ABHD18: variants seen among roughly 807,000 people sequenced by gnomAD.
ABHD18 encodes the protein abhydrolase domain containing 18, also known as cardiolipin-specific deacylase, mitochondrial.
In ABHD18, 55 loss-of-function variants were observed where a neutral mutation model predicts 65.9. That is an observed-to-expected ratio of 0.84 (90% CI 0.67 to 1.05). ABHD18 has a LOEUF of 1.05. ABHD18 is among the 50% of genes least tolerant of loss of function. The pLI is 0.00. For missense variants in ABHD18, 533 were observed against 558.5 expected, an observed-to-expected ratio of 0.95 and a Z score of 0.46; for synonymous variants, 181 against 180.2, an observed-to-expected ratio of 1.00 and a Z score of -0.04.
chr4:128,012,422 TGTTTG>T (rs1320943101), intron 7 of ABHD18, among the ~76,000 whole-genome samples: 4 of 152,158 alleles, frequency 2.6e-5, no homozygotes, highest in African/African-American at 9.7e-5. Context: ...ATCTGTATTG[TGTTTG>T]GTTTGGTTCA....
chr4:127,972,520 CTTTTTTTTTTTT>C (rs11286287), intron 1 of ABHD18, among the ~76,000 whole-genome samples: 10 of 60,872 alleles, frequency 1.6e-4, no homozygotes, highest in African/African-American at 1.4e-4. Flanking sequence ...CAGATATACT[CTTTTTTTTTTTT>C]TTTTTTTTTT....
At chr4:128,016,860 TTTG>T (rs755362299) in intron 7 of ABHD18, among the ~76,000 whole-genome samples, 13 of 152,314 alleles carry the variant, frequency 8.5e-5, no homozygotes, top group Non-Finnish European at 1.5e-4. Context: ...AACACTTTTT[TTTG>T]TTAAGTTTTA....
intron 4 of ABHD18, among the ~76,000 whole-genome samples, chr4:127,995,929 C>T (rs1751658207): frequency 6.6e-6 from 1 of 152,198 alleles, no homozygotes; most frequent in African/African-American, 2.4e-5. Context: ...CTGTGTCTAA[C>T]ATAAGGAAGA....
At chr4:128,022,857 G>A (rs1021823434) in intron 10 of ABHD18, among the ~76,000 whole-genome samples, 9 of 148,852 alleles carry the variant, frequency 6.0e-5, no homozygotes, top group Non-Finnish European at 1.0e-4. Context: ...TGCAACCTCC[G>A]CATCCCAGAT....
chr4:128,003,306 T>C (rs1753003166), intron 4 of ABHD18, among the ~76,000 whole-genome samples: 1 of 150,986 alleles, frequency 6.6e-6, no homozygotes, highest in African/African-American at 2.4e-5. Flanking sequence ...AGGTGGAGGT[T>C]GCAGTGAGCC....
intron 6 of ABHD18, chr4:128,009,623 TAATA>T (rs1754192690): frequency 6.5e-6 from 1 of 154,970 alleles, no homozygotes; most frequent in African/African-American, 2.4e-5. Flanking sequence ...ACGTTGCTGG[TAATA>T]AATGTAGAGT....
At chr4:127,991,113 C>G (rs181180222) in intron 4 of ABHD18, among the ~76,000 whole-genome samples, 5 of 152,292 alleles carry the variant, frequency 3.3e-5, no homozygotes, top group Non-Finnish European at 7.4e-5. Context: ...ATCCACCTGC[C>G]TCGCCTCCCA....
rs1757716292 is a variant in ABHD18, at chr4:128,028,543, C to A, written c.870C>A (p.Asn290Lys). ...CTAGCAGTGCAGACAAGCTAACTAA[C>A]CTTAATCTGGTTTCCAGAACTTTAA... The part of the protein sequence containing the change: ...HFTSSADKLT[N>K]LNLVSRTLNL... The change falls in exon 11 of 13, where the codon AAC (asparagine) becomes AAA (lysine). Residue 290 changes from asparagine (N) to lysine (K), a missense_variant. Asn to Lys is a moderately conservative substitution (Grantham distance 94). Transcript: ENST00000645843. 1.2e-6 allele frequency: 2 copies of A among 1,610,792 alleles called. No individual in the cohort carries two copies. Among genetic ancestry groups the A allele is most frequent in the Non-Finnish European group, 1.7e-6 (2 of 1,178,318 alleles).
intron 4 of ABHD18, chr4:128,001,618 ATACT>A (rs1752641513): frequency 8.2e-6 from 10 of 1,220,748 alleles, no homozygotes; most frequent in Non-Finnish European, 1.1e-5. Context: ...ATTATCCCTC[ATACT>A]TAGTTAACCC....
intron 1 of ABHD18, among the ~76,000 whole-genome samples, chr4:127,973,381 G>T (rs574303789): frequency 6.1e-4 from 92 of 151,500 alleles, no homozygotes; most frequent in South Asian, 4.8e-3. Context: ...GAGTTTGGGG[G>T]TTTTTTTTTC....
chr4:128,029,891 G>A (rs1291352579), intron 11 of ABHD18, among the ~76,000 whole-genome samples: 2 of 152,146 alleles, frequency 1.3e-5, no homozygotes, highest in African/African-American at 4.8e-5. Context: ...AGAGGCTGAG[G>A]CAGGAGGATC....
At chr4:128,027,339 C>T (rs1486472645) in intron 10 of ABHD18, among the ~76,000 whole-genome samples, 1 of 152,156 alleles carries the variant, frequency 6.6e-6, no homozygotes, top group African/African-American at 2.4e-5. Flanking sequence ...AGTGTATTTA[C>T]AAGTCCTTAA....
chr4:128,002,415 G>T (rs1752821601), intron 4 of ABHD18, among the ~76,000 whole-genome samples: 1 of 151,878 alleles, frequency 6.6e-6, no homozygotes, highest in Admixed American at 6.6e-5. Flanking sequence ...AAGTAGCTGG[G>T]ATTACAGGCA....
intron 12 of ABHD18, among the ~76,000 whole-genome samples, chr4:128,034,975 T>C (rs1194370408): frequency 6.6e-6 from 1 of 152,158 alleles, no homozygotes; most frequent in East Asian, 1.9e-4. Flanking sequence ...TCAATTGAAA[T>C]ATTAAAATAC....
At chr4:128,011,494 T>G (rs552239838) in intron 6 of ABHD18, among the ~76,000 whole-genome samples, 179 bp from the exon 7 acceptor site, 2 of 149,874 alleles carry the variant, frequency 1.3e-5, no homozygotes, top group African/African-American at 4.9e-5. Flanking sequence ...TTTTTTTTTT[T>G]TAAAAAAAAG....
chr4:127,982,909 T>G, intron 1 of ABHD18, 30 bp from the exon 2 acceptor site: 1 of 1,218,866 alleles, frequency 8.2e-7, no homozygotes. Context: ...AATAAAATAT[T>G]TTAAAGCCAT....
At chr4:128,020,803 G>T (rs973822253) in intron 9 of ABHD18, among the ~76,000 whole-genome samples, 9 of 152,210 alleles carry the variant, frequency 5.9e-5, no homozygotes, top group African/African-American at 1.9e-4. Flanking sequence ...GGAGGCTGAG[G>T]CTGGTGAACC....
intron 1 of ABHD18, among the ~76,000 whole-genome samples, chr4:127,981,978 C>T (rs1178483212): frequency 6.6e-6 from 1 of 152,018 alleles, no homozygotes; most frequent in Non-Finnish European, 1.5e-5. Context: ...AACTTAAATG[C>T]CAGCCCAATT....
chr4:127,996,053 A>G (rs866120425), intron 4 of ABHD18, among the ~76,000 whole-genome samples: 1 of 152,252 alleles, frequency 6.6e-6, no homozygotes, highest in Non-Finnish European at 1.5e-5. Context: ...AGATACAGGC[A>G]GGAATAAAGA....
Sources: gnomAD v4.1 joint callset for allele counts (sites outside exome capture counted in the v4.1 genomes callset) on GRCh38, gnomAD v4.1.1 for gene constraint, MANE v1.5 for transcripts, NCBI Gene and HGNC (gene_info 2026-07-23, HGNC 2026-07-21) for gene names.